Variants in CHSY3 observed in about 807,000 individuals in gnomAD.
The protein encoded by CHSY3 is N-acetylgalactosaminyl-proteoglycan 3-beta-glucuronosyltransferase 3.
In CHSY3, 35 loss-of-function variants were observed where a neutral mutation model predicts 67.2. That is an observed-to-expected ratio of 0.52 (90% CI 0.40 to 0.69). The LOEUF is 0.69. CHSY3 is among the 30% of genes least tolerant of loss of function. The pLI is 0.00. For missense variants in CHSY3, 1,069 were observed against 1,138.5 expected, an observed-to-expected ratio of 0.94 and a Z score of 0.88; for synonymous variants, 474 against 434.7, an observed-to-expected ratio of 1.09 and a Z score of -1.12.
chr5:129,988,251 C>T (rs751827323), intron 2 of CHSY3, among the ~76,000 whole-genome samples: 1 of 152,260 alleles, frequency 6.6e-6, no homozygotes, highest in Non-Finnish European at 1.5e-5. Context: ...CTCTTAGATT[C>T]TTTTAATCCT....
chr5:130,116,220 C>G (rs2149706536), intron 2 of CHSY3, among the ~76,000 whole-genome samples: 1 of 152,220 alleles, frequency 6.6e-6, no homozygotes, highest in Admixed American at 6.5e-5. Context: ...ATTTATACTC[C>G]CACAGCCTTA....
chr5:129,981,050 C>CAAAA (rs71000945), intron 2 of CHSY3, among the ~76,000 whole-genome samples: 7 of 130,932 alleles, frequency 5.3e-5, no homozygotes, highest in Admixed American at 1.6e-4. Context: ...ACTGAAAATA[C>CAAAA]AAAAAAAAAA....
intron 2 of CHSY3, among the ~76,000 whole-genome samples, chr5:130,007,286 G>T (rs9327541): frequency 0.33 from 49,476 of 151,880 alleles, 8,266 homozygotes; most frequent in South Asian, 0.44. Context: ...CTGCTGTCAA[G>T]AAATTTCTAT....
At chr5:129,980,622 C>T (rs918925625) in intron 2 of CHSY3, among the ~76,000 whole-genome samples, 4 of 152,094 alleles carry the variant, frequency 2.6e-5, no homozygotes, top group Non-Finnish European at 5.9e-5. Context: ...TTAAATTTAT[C>T]GAAGTCCAGC....
intron 2 of CHSY3, among the ~76,000 whole-genome samples, chr5:129,981,987 C>T (rs1443469315): frequency 1.3e-5 from 2 of 152,040 alleles, no homozygotes; most frequent in Admixed American, 6.6e-5. Context: ...TGTTGATGTG[C>T]TAGATTACAT....
Position 130,142,053 on chromosome 5 carries a change from GT to G in CHSY3, c.1087-42174del, listed in dbSNP as rs549951048. 256 of 170,664 alleles carry G rather than the reference GT, an allele frequency of 1.5e-3. 1 individual carries two copies. Among genetic ancestry groups the G allele is most frequent in the Middle Eastern group, 2.8e-3 (1 of 354 alleles). 10.6% of individuals were successfully genotyped at this position (170,664 alleles called of 1,614,324 possible). A position where few individuals can be genotyped will look rare whatever the true frequency, so the allele number is the denominator to read the frequency against. Reference sequence around the variant, plus strand: ...GCCATCTTAAAGTTGAGCTGCAGTAGTTAACTACTGGCCAATCTCAATACTC... The same window carrying G: ...GCCATCTTAAAGTTGAGCTGCAGTAGTAACTACTGGCCAATCTCAATACTC... On this transcript the variant is annotated intron_variant, in intron 2 of 2. Coordinates refer to ENST00000305031, the MANE Select transcript of CHSY3 (RefSeq NM_175856.5).
chr5:130,044,672 G>A (rs1242167979), intron 2 of CHSY3, among the ~76,000 whole-genome samples: 1 of 152,062 alleles, frequency 6.6e-6, no homozygotes, highest in African/African-American at 2.4e-5. Context: ...GTCAGAGTGA[G>A]ATATGTATTA....
intron 2 of CHSY3, among the ~76,000 whole-genome samples, chr5:130,161,287 C>T (rs532692811): frequency 6.6e-6 from 1 of 152,112 alleles, no homozygotes; most frequent in Non-Finnish European, 1.5e-5. Flanking sequence ...ATTTTTTAAA[C>T]TTCTGGAATG....
intron 2 of CHSY3, among the ~76,000 whole-genome samples, chr5:130,079,568 G>A (rs963184159): frequency 1.3e-4 from 20 of 152,098 alleles, no homozygotes; most frequent in African/African-American, 3.9e-4. Flanking sequence ...AATAGTTTCC[G>A]GGACAAGAAG....
In CHSY3 at chr5:129,905,178, G is replaced by C. The variant is rs1760210502; in HGVS notation, c.349G>C (p.Glu117Gln). ...GCTGCAGCAGCGGCGGCGAGGACGC[G>C]AGCCTGAGGGCGCGACGGGGCTTCC... ...PPLQQRRRGR[E>Q]PEGATGLPGA... Residue 117 changes from glutamate (E) to glutamine (Q), a missense_variant, in exon 1 of 3, where the codon GAG becomes CAG. Glu to Gln is a conservative substitution (Grantham distance 29, BLOSUM62 2). Coordinates refer to ENST00000305031, the MANE Select transcript of CHSY3 (RefSeq NM_175856.5). 4.6e-6 allele frequency: 7 copies of C among 1,523,004 alleles called. No individual in the cohort carries two copies. The highest frequency in any genetic ancestry group is 6.1e-6 in the Non-Finnish European group (7 of 1,141,750). The allele number at this position is 1,523,004 out of a possible 1,614,324, so 94.3% of individuals were successfully genotyped here. A position where few individuals can be genotyped will look rare whatever the true frequency, so the allele number is the denominator to read the frequency against.
At chr5:130,096,194 A>G (rs1454431144) in intron 2 of CHSY3, among the ~76,000 whole-genome samples, 3 of 152,196 alleles carry the variant, frequency 2.0e-5, no homozygotes, top group Non-Finnish European at 2.9e-5. Context: ...GTATTTTCAG[A>G]TGGAGTCTTG....
intron 2 of CHSY3, among the ~76,000 whole-genome samples, chr5:129,918,248 T>C (rs1760797680): frequency 6.6e-6 from 1 of 152,132 alleles, no homozygotes; most frequent in Non-Finnish European, 1.5e-5. Flanking sequence ...GTTTTCACTG[T>C]ACAAGGCTTA....
At chr5:130,130,488 C>G (rs1379978443) in intron 2 of CHSY3, among the ~76,000 whole-genome samples, 1 of 152,130 alleles carries the variant, frequency 6.6e-6, no homozygotes, top group African/African-American at 2.4e-5. Flanking sequence ...TCCTTTTCAT[C>G]TGCCAGAATT....
At position 130,185,845 on chromosome 5, in the gene CHSY3, T is replaced by C. The variant is rs115392300; in HGVS notation, c.*54T>C. The C allele has an allele frequency of 3.0e-4, 328 of 1,093,424 alleles. 1 individual carries two copies. In the African/African-American group the frequency reaches 4.7e-3, roughly 16 times the overall value. 67.7% of individuals were successfully genotyped at this position (1,093,424 alleles called of 1,614,324 possible). A position where few individuals can be genotyped will look rare whatever the true frequency, so the allele number is the denominator to read the frequency against. On this transcript the variant is annotated 3_prime_UTR_variant, in exon 3 of 3. Transcript: ENST00000305031. ...TAAGGGGAGTTTACCTCATTGTTGGTTGTTGTTATTTTTATTGTATTATTG... is the reference window on the plus strand; with the variant it reads ...TAAGGGGAGTTTACCTCATTGTTGGCTGTTGTTATTTTTATTGTATTATTG...
chr5:129,904,801 A>T lies in CHSY3; in HGVS notation c.-29A>T, dbSNP rs1300642078. 1 of 1,361,388 alleles carries T rather than the reference A, an allele frequency of 7.3e-7. No homozygotes were observed. Among genetic ancestry groups the T allele is most frequent in the Non-Finnish European group, 9.5e-7 (1 of 1,056,246 alleles). The allele number at this position is 1,361,388 out of a possible 1,614,324, so 84.3% of individuals were successfully genotyped here. On this transcript the variant is annotated 5_prime_UTR_variant, in exon 1 of 3. Coordinates refer to ENST00000305031, the MANE Select transcript of CHSY3 (RefSeq NM_175856.5). ...ACCGCGTGCCGCGCCGCGACAGCCC[A>T]GCGAGCGTCCGCGCCCGGGACAGCC...
At chr5:129,963,071 G>T (rs921269443) in intron 2 of CHSY3, among the ~76,000 whole-genome samples, 1 of 151,822 alleles carries the variant, frequency 6.6e-6, no homozygotes, top group African/African-American at 2.4e-5. Flanking sequence ...AATGAGAATT[G>T]ACTATAACTT....
At chr5:130,030,211 T>A (rs1308572677) in intron 2 of CHSY3, among the ~76,000 whole-genome samples, 1 of 152,162 alleles carries the variant, frequency 6.6e-6, no homozygotes, top group East Asian at 1.9e-4. Context: ...TTTGTTCTAA[T>A]GAACTGAAAA....
chr5:129,912,167 T>A (rs949287470), intron 2 of CHSY3, among the ~76,000 whole-genome samples: 1 of 152,190 alleles, frequency 6.6e-6, no homozygotes, highest in Non-Finnish European at 1.5e-5. Context: ...GTATAAGATA[T>A]ATATAACTGA....
chr5:129,931,215 T>A (rs544283863), intron 2 of CHSY3, among the ~76,000 whole-genome samples: 106 of 152,294 alleles, frequency 7.0e-4, no homozygotes, highest in African/African-American at 2.4e-3. Context: ...TACAACCATT[T>A]GTGCCATGGA....
Sources: gnomAD v4.1 joint callset for allele counts (sites outside exome capture counted in the v4.1 genomes callset) on GRCh38, gnomAD v4.1.1 for gene constraint, MANE v1.5 for transcripts, NCBI Gene and HGNC (gene_info 2026-07-23, HGNC 2026-07-21) for gene names.